COL18A1: variants seen among roughly 807,000 people sequenced by gnomAD.
COL18A1 encodes the protein collagen alpha-1(XVIII) chain.
COL18A1 carries 133 observed loss-of-function variants against 168.0 expected under a neutral mutation model. That is an observed-to-expected ratio of 0.79 (90% confidence interval 0.69 to 0.91). COL18A1 has a LOEUF of 0.91. Among genes scored for constraint, COL18A1 ranks in the 40% least tolerant of loss-of-function variants. The pLI is 0.00. For synonymous variants in COL18A1, 949 were observed against 809.0 expected (o/e 1.17, Z -2.94); for missense variants, 2,126 against 1,925.4 (o/e 1.10, Z -1.95).
intron 2 of COL18A1, chr21:45,421,650 G>A (rs1468001761): frequency 3.9e-6 from 2 of 509,744 alleles, no homozygotes; most frequent in East Asian, 1.1e-4. Flanking sequence ...CAGGTGGCTG[G>A]CAGGTTGCCA....
intron 2 of COL18A1, among the ~76,000 whole-genome samples, chr21:45,445,284 A>G (rs2034480730): frequency 6.6e-6 from 1 of 152,192 alleles, no homozygotes; most frequent in Non-Finnish European, 1.5e-5. Flanking sequence ...ACCCTGTCCC[A>G]GGGCTTCATT....
At chr21:45,458,792 A>G (rs1339019523) in intron 2 of COL18A1, among the ~76,000 whole-genome samples, 1 of 152,104 alleles carries the variant, frequency 6.6e-6, no homozygotes, top group Non-Finnish European at 1.5e-5. Flanking sequence ...AGGCCTGCAC[A>G]CCTGACCCTG....
At position 45,413,737 on chromosome 21, in the gene COL18A1, G is replaced by A. The variant is rs975044891; in HGVS notation, c.106+8264G>A. Reference sequence around the variant, plus strand: ...GCACATCCTTGTCCCTGGGCACTGAGGGAAGCAAAGGCCCCGCCAGCCATG... The same window carrying A: ...GCACATCCTTGTCCCTGGGCACTGAAGGAAGCAAAGGCCCCGCCAGCCATG... On this transcript the variant is annotated intron_variant, in intron 2 of 41. Transcript: ENST00000651438. Among the ~76,000 whole-genome samples the A allele has an allele frequency of 1.5e-4, 23 of 151,574 alleles. 1 individual carries two copies. Among genetic ancestry groups the A allele is most frequent in the Non-Finnish European group, 3.2e-4 (22 of 67,966 alleles).
At chr21:45,493,348 G>T in intron 25 of COL18A1, 123 bp downstream of exon 25, 4 of 1,293,840 alleles carry the variant, frequency 3.1e-6, no homozygotes, top group Non-Finnish European at 4.4e-6. Context: ...CACGTGAGGG[G>T]TACATCCCTG....
intron 2 of COL18A1, among the ~76,000 whole-genome samples, chr21:45,438,749 T>C (rs1409802053): frequency 1.3e-5 from 2 of 152,166 alleles, no homozygotes; most frequent in Admixed American, 1.3e-4. Context: ...CCACAGCACG[T>C]GGACAAAGGC....
chr21:45,501,244 T>C (rs1246364778), intron 32 of COL18A1, among the ~76,000 whole-genome samples: 12 of 152,004 alleles, frequency 7.9e-5, no homozygotes, highest in Admixed American at 7.9e-4. Flanking sequence ...TGAGATAGCC[T>C]CAAGATATGA....
rs1602497432 is a variant in COL18A1 at position 45,480,135 on chromosome 21, C to T, written c.1377C>T (p.Pro459=). ...GPQGPPGPPG[P]SFRHDKLTFI... ...AAGGGCCTCCAGGGCCCCCAGGACC[C>T]TCCTTCAGACACGACAAGCTGGTAA... is the stretch of plus-strand genomic sequence containing the variant. Residue 459 remains proline (P), a synonymous_variant, in exon 11 of 42, where the codon CCC becomes CCT. Coordinates refer to ENST00000651438, the MANE Select transcript of COL18A1 (RefSeq NM_001379500.1). 2 of 1,590,814 alleles carry T rather than the reference C, an allele frequency of 1.3e-6. No individual in the cohort carries two copies. The highest frequency in any genetic ancestry group is 1.7e-6 in the Non-Finnish European group (2 of 1,159,554).
rs1491005664 is a variant in COL18A1 at position 45,498,817 on chromosome 21, TCA to T, written c.2683+1161_2683+1162del. ...TCGGACCCACCTTGAACTCTGAAGG[TCA>T]CACATTCAAAAGCCACAGGAAGTCT... is the stretch of plus-strand genomic sequence containing the variant. On this transcript the variant is annotated intron_variant, in intron 32 of 41. Coordinates refer to ENST00000651438, the MANE Select transcript of COL18A1 (RefSeq NM_001379500.1). This position sits in a 1 kb window ranked among gnomAD's most constrained non-coding sequence, Gnocchi z 4.5. 6.6e-6 allele frequency among the ~76,000 whole-genome samples: 1 copy of T among 152,010 alleles called. No homozygotes were observed. The highest frequency in any genetic ancestry group is 2.4e-5 in the African/African-American group (1 of 41,364).
intron 2 of COL18A1, among the ~76,000 whole-genome samples, chr21:45,445,076 G>A (rs955831866): frequency 1.3e-5 from 2 of 152,080 alleles, no homozygotes; most frequent in African/African-American, 4.8e-5. Context: ...CATCCCCATC[G>A]ACCGTGGAAC....
Position 45,509,015 on chromosome 21 carries a change from A to G in COL18A1, c.3250-341A>G, listed in dbSNP as rs1181442309. Among the ~76,000 whole-genome samples the G allele has an allele frequency of 2.0e-5, 3 of 152,094 alleles. No homozygotes were observed. The East Asian group carries it at 5.8e-4, about 29-fold the overall frequency. ...CAGAGCAAGGCCCTGGGAGATTAGA[A>G]GGTCGAAGGTCGCCGTGTTGAGGTC... On this transcript the variant is annotated intron_variant, in intron 38 of 41. Transcript: ENST00000651438.
intron 11 of COL18A1, 26 bp from the exon 12 acceptor site, chr21:45,480,441 C>T (rs771815587): frequency 4.3e-6 from 7 of 1,614,070 alleles, no homozygotes; most frequent in East Asian, 4.5e-5. Flanking sequence ...CTCAGGGCAA[C>T]GTGTCTCTCC....
intron 32 of COL18A1, among the ~76,000 whole-genome samples, chr21:45,501,651 GC>G (rs1285473981): frequency 5.9e-5 from 9 of 151,950 alleles, no homozygotes; most frequent in Admixed American, 2.0e-4. Flanking sequence ...AGGTGGTGGG[GC>G]CTCCACAGCC....
At chr21:45,502,283 C>A (rs550556016) in intron 32 of COL18A1, among the ~76,000 whole-genome samples, 1 of 152,228 alleles carries the variant, frequency 6.6e-6, no homozygotes. Flanking sequence ...GTGGTCCCCA[C>A]CCCGGTCACG....
rs565705148 is a variant in COL18A1, at chr21:45,458,137, G to A, written c.107-10105G>A. Among the ~76,000 whole-genome samples, 144 of 149,660 alleles carry A rather than the reference G, an allele frequency of 9.6e-4. 1 individual carries two copies. The highest frequency in any genetic ancestry group is 1.7e-3 in the Non-Finnish European group (111 of 67,226). ...GGGAGGGAGGGAGGGCTGCAGCGGG[G>A]CCTGGCTGAGCCTGAGGGGGGCACA... On this transcript the variant is annotated intron_variant, in intron 2 of 41. Transcript: ENST00000651438.
chr21:45,509,204 C>A, intron 38 of COL18A1, 152 bp from the exon 39 acceptor site: 1 of 1,052,278 alleles, frequency 9.5e-7, no homozygotes, highest in Non-Finnish European at 1.3e-6. Flanking sequence ...CTGCTGCCTA[C>A]ACCCCCAGGG....
intron 38 of COL18A1, among the ~76,000 whole-genome samples, chr21:45,508,316 T>G (rs1290969025): frequency 1.4e-5 from 2 of 147,418 alleles, no homozygotes; most frequent in East Asian, 4.0e-4. Context: ...GCTGGACAGG[T>G]GGGTGAGTGG....
intron 2 of COL18A1, among the ~76,000 whole-genome samples, chr21:45,449,362 C>T (rs2034572355): frequency 1.3e-5 from 2 of 152,184 alleles, no homozygotes; most frequent in Admixed American, 1.3e-4. Context: ...TCGTGATCAC[C>T]CAGTGGAGGA....
chr21:45,436,850 G>T (rs1433122143), intron 2 of COL18A1, among the ~76,000 whole-genome samples: 1 of 147,124 alleles, frequency 6.8e-6, no homozygotes, highest in East Asian at 2.0e-4. Flanking sequence ...GTGCCTGGGG[G>T]TCTGTGACTG....
intron 2 of COL18A1, among the ~76,000 whole-genome samples, chr21:45,436,391 TGCCGCC>T (rs2034096767): frequency 6.6e-6 from 1 of 152,220 alleles, no homozygotes; most frequent in Non-Finnish European, 1.5e-5. Context: ...CGAGGGACTG[TGCCGCC>T]GCCCCATTGT....
Sources: allele counts gnomAD v4.1 joint callset (sites outside exome capture counted in the v4.1 genomes callset), GRCh38; gene constraint gnomAD v4.1.1; non-coding constraint Gnocchi (gnomAD v3.1); transcripts MANE v1.5; gene names NCBI Gene and HGNC (gene_info 2026-07-23, HGNC 2026-07-21).